UNC45A: variants seen among roughly 807,000 people sequenced by gnomAD.
UNC45A encodes the protein unc-45 myosin chaperone A, also known as protein unc-45 homolog A.
Under a neutral mutation model 103.2 loss-of-function variants are expected in UNC45A, and 78 were observed. That is an observed-to-expected ratio of 0.76 (90% confidence interval 0.63 to 0.91). The LOEUF is 0.91. Ranked by LOEUF, UNC45A falls within the 40% of genes least tolerant of loss-of-function variation. The pLI is 0.00. For synonymous variants in UNC45A, 495 were observed against 504.6 expected, an observed-to-expected ratio of 0.98 and a Z score of 0.25; for missense variants, 1,193 against 1,224.8, an observed-to-expected ratio of 0.97 and a Z score of 0.39.
chr15:90,935,794 G>A (rs1596207606), intron 2 of UNC45A, 89 bp downstream of exon 2: 3 of 1,517,954 alleles, frequency 2.0e-6, no homozygotes, highest in South Asian at 2.6e-5. Flanking sequence ...GGACATTCAC[G>A]CTCCCAGGCC....
In UNC45A at chr15:90,940,439, C is replaced by T. The variant is rs772800749; in HGVS notation, c.653C>T (p.Thr218Met). 1.9e-5 allele frequency: 31 copies of T among 1,613,776 alleles called. No individual in the cohort carries two copies. Among genetic ancestry groups the T allele is most frequent in the African/African-American group, 1.3e-4 (10 of 74,886 alleles). The change falls in exon 6 of 20, where the codon ACG (threonine) becomes ATG (methionine). Residue 218 changes from threonine (T) to methionine (M), a missense_variant. Transcript: ENST00000418476. ...ETDLMLAALRTLVGICSEHQS... is the reference protein window; with the variant it reads ...ETDLMLAALRMLVGICSEHQS... ...GACCTCATGCTGGCGGCTCTGCGTACGCTGGTTGGCATTTGCTCTGAGCAT... is the reference window on the plus strand; with the variant it reads ...GACCTCATGCTGGCGGCTCTGCGTATGCTGGTTGGCATTTGCTCTGAGCAT...
chr15:90,943,984 CTG>C (rs2036426393), intron 8 of UNC45A, among the ~76,000 whole-genome samples: 1 of 99,814 alleles, frequency 1.0e-5, no homozygotes, highest in South Asian at 3.9e-4. Context: ...CCATTGTGCC[CTG>C]TTTTTTTTTT....
chr15:90,949,031 C>T (rs931796363), intron 13 of UNC45A, among the ~76,000 whole-genome samples: 7 of 151,952 alleles, frequency 4.6e-5, no homozygotes, highest in Non-Finnish European at 7.4e-5. Context: ...TGCCCGCCAC[C>T]ATGCCTGGCT....
At chr15:90,950,085 C>A in intron 15 of UNC45A, 69 bp from the exon 16 acceptor site, 1 of 1,468,148 alleles carries the variant, frequency 6.8e-7, no homozygotes, top group Non-Finnish European at 9.3e-7. Context: ...ACGGTCAGGG[C>A]TGGGGAGCCC....
intron 16 of UNC45A, 109 bp downstream of exon 16, chr15:90,950,376 C>T: frequency 2.7e-6 from 4 of 1,467,010 alleles, no homozygotes; most frequent in Non-Finnish European, 3.7e-6. Context: ...TTTGTCAAGG[C>T]CTGGGGCAGG....
At chr15:90,931,954 A>G (rs1279639583), upstream of UNC45A, 1 of 1,613,782 alleles carries the variant, frequency 6.2e-7, no homozygotes, top group Admixed American at 1.7e-5. Flanking sequence ...CCTGGGGACA[A>G]GTTCCCACTC....
In UNC45A at chr15:90,948,638, C is replaced by G. The variant is rs756864321; in HGVS notation, c.1738-16C>G. Reference sequence around the variant, plus strand: ...TGCCCCGGGATGCCCATGTGAATTCCTCTGTGTCCTGGCAGTTGGAGGAGA... The same window carrying G: ...TGCCCCGGGATGCCCATGTGAATTCGTCTGTGTCCTGGCAGTTGGAGGAGA... On this transcript the variant is annotated splice_polypyrimidine_tract_variant and intron_variant, in intron 12 of 19. Coordinates refer to ENST00000418476, the MANE Select transcript of UNC45A (RefSeq NM_018671.5). 2.5e-6 allele frequency: 4 copies of G among 1,612,640 alleles called. No homozygotes were observed. Among genetic ancestry groups the G allele is most frequent in the Non-Finnish European group, 3.4e-6 (4 of 1,178,914 alleles).
chr15:90,950,439 G>C (rs1178870805), intron 16 of UNC45A, 61 bp from the exon 17 acceptor site: 4 of 1,573,266 alleles, frequency 2.5e-6, no homozygotes, highest in Non-Finnish European at 3.5e-6. Context: ...CTCCCTGCAG[G>C]GTTGGTGGGG....
At position 90,936,933 on chromosome 15, in the gene UNC45A, C is replaced by G. The variant is rs533656129; in HGVS notation, c.426+473C>G. Among the ~76,000 whole-genome samples the G allele has an allele frequency of 2.0e-4, 31 of 152,306 alleles. 1 individual carries two copies. The South Asian group carries it at 5.4e-3, about 26-fold the overall frequency. On this transcript the variant is annotated intron_variant, in intron 4 of 19. Coordinates refer to ENST00000418476, the MANE Select transcript of UNC45A (RefSeq NM_018671.5). ...CTTGGAACTTGCCTGAATGCCCAGCCATAGAGGAATGGCTGAATAAATGGG... is the reference window on the plus strand; with the variant it reads ...CTTGGAACTTGCCTGAATGCCCAGCGATAGAGGAATGGCTGAATAAATGGG...
At position 90,949,448 on chromosome 15, in the gene UNC45A, G is replaced by A. The variant is rs755219898; in HGVS notation, c.2006+5G>A. ...CTGCAGAGAGCTGCTCTCCAGGTGA[G>A]CCAGCCTTGGTAGGAGCCAACCTTT... On this transcript the variant is annotated splice_donor_5th_base_variant and intron_variant, in intron 14 of 19. Coordinates refer to ENST00000418476, the MANE Select transcript of UNC45A (RefSeq NM_018671.5). The A allele has an allele frequency of 1.9e-6, 3 of 1,613,424 alleles. No homozygotes were observed. The highest frequency in any genetic ancestry group is 1.7e-5 in the Admixed American group (1 of 60,000).
At chr15:90,939,879 A>T (rs2036202551) in intron 5 of UNC45A, 56 bp downstream of exon 5, 1 of 1,534,800 alleles carries the variant, frequency 6.5e-7, no homozygotes, top group South Asian at 1.1e-5. Context: ...ACCCATCCAT[A>T]GGCCCCCGAA....
upstream of UNC45A, chr15:90,932,631 A>G: frequency 1.3e-6 from 1 of 787,090 alleles, no homozygotes; most frequent in Middle Eastern, 4.2e-4. Context: ...GGGATCGTGG[A>G]GGCTAATTCA....
intron 6 of UNC45A, among the ~76,000 whole-genome samples, chr15:90,941,313 G>T (rs2036279858): frequency 6.6e-6 from 1 of 152,162 alleles, no homozygotes; most frequent in Non-Finnish European, 1.5e-5. Context: ...TAACAGTCCT[G>T]CTCCTGGGCC....
At chr15:90,946,100 G>T (rs549423885) in intron 9 of UNC45A, among the ~76,000 whole-genome samples, 2 of 150,566 alleles carry the variant, frequency 1.3e-5, no homozygotes, top group African/African-American at 4.9e-5. Context: ...TAAAAATACA[G>T]AAAATTAGCC....
In UNC45A at chr15:90,946,705, C is replaced by G. The variant is rs201875431; in HGVS notation, c.1291C>G (p.Arg431Gly). 4 of 1,613,060 alleles carry G rather than the reference C, an allele frequency of 2.5e-6. No homozygotes were observed. In the South Asian group the frequency reaches 4.4e-5, roughly 18 times the overall value. ...LLQGPCDAGN[R>G]ALELSGVMES... ...GCAGGGCCCATGTGACGCTGGCAAC[C>G]GGGCCTTGGAGCTGAGCGGTGTCAT... is the stretch of plus-strand genomic sequence containing the variant. The change falls in exon 10 of 20, where the codon CGG becomes GGG. Residue 431 changes from arginine (R) to glycine (G), a missense_variant. By Grantham distance (125) the Arg-to-Gly change is moderately radical. Coordinates refer to ENST00000418476, the MANE Select transcript of UNC45A (RefSeq NM_018671.5).
intron 3 of UNC45A, 121 bp from the exon 4 acceptor site, chr15:90,936,164 C>T (rs2036005546): frequency 2.6e-6 from 4 of 1,511,918 alleles, no homozygotes; most frequent in Non-Finnish European, 2.6e-6. Context: ...GAGGCTGAAG[C>T]ACCGAGCCCC....
chr15:90,931,781 C>T (rs140820485), upstream of UNC45A: 2 of 1,614,164 alleles, frequency 1.2e-6, no homozygotes, highest in Non-Finnish European at 1.7e-6. Flanking sequence ...CCCGGGGCTA[C>T]TGTGGGGCGC....
chr15:90,930,304 G>A (rs1353601622), upstream of UNC45A: 1 of 152,226 alleles, frequency 6.6e-6, no homozygotes, highest in Non-Finnish European at 1.5e-5. Context: ...TTGCTGCTGG[G>A]GTCTCTCCGG....
Position 90,946,869 on chromosome 15 carries a change from A to G in UNC45A, c.1455A>G (p.Leu485=). Residue 485 remains leucine, a synonymous_variant, in exon 10 of 20, where the codon CTA becomes CTG. Transcript: ENST00000418476. The part of the protein sequence containing the change: ...TANGVSLLKD[L]YKCSEKDSIR... ...ATGGTGTCTCGCTGCTGAAGGACCTATATAAGTGCAGCGAGAAGGACAGCA... is the reference window on the plus strand; with the variant it reads ...ATGGTGTCTCGCTGCTGAAGGACCTGTATAAGTGCAGCGAGAAGGACAGCA... The G allele has an allele frequency of 6.2e-7, 1 of 1,610,938 alleles. No individual in the cohort carries two copies. Among genetic ancestry groups the G allele is most frequent in the Non-Finnish European group, 8.5e-7 (1 of 1,177,734 alleles).
Sources: gnomAD v4.1 joint callset for allele counts (sites outside exome capture counted in the v4.1 genomes callset) on GRCh38, gnomAD v4.1.1 for gene constraint, MANE v1.5 for transcripts, NCBI Gene and HGNC (gene_info 2026-07-23, HGNC 2026-07-21) for gene names.